CSMD1: variants seen among roughly 807,000 people sequenced by gnomAD.
CSMD1 encodes CUB and Sushi multiple domains 1.
In CSMD1, 213 loss-of-function variants were observed where a neutral mutation model predicts 417.5. That is an observed-to-expected ratio of 0.51 (90% confidence interval 0.46 to 0.57). The LOEUF (loss-of-function observed/expected upper bound fraction) is 0.57. Among genes scored for constraint, CSMD1 ranks in the 20% least tolerant of loss-of-function variants. The pLI is 0.00. For missense variants in CSMD1, 6,923 were observed against 4,529.7 expected (o/e 1.53, Z -15.17); for synonymous variants, 2,862 against 1,736.8 (o/e 1.65, Z -16.11).
At chr8:4,157,882 C>A (rs1358579890) in intron 3 of CSMD1, among the ~76,000 whole-genome samples, 1 of 152,256 alleles carries the variant, frequency 6.6e-6, no homozygotes, top group Non-Finnish European at 1.5e-5. Flanking sequence ...CTATCCTCCC[C>A]ACAGGACAAC....
chr8:4,399,016 C>G (rs958096333), intron 3 of CSMD1, among the ~76,000 whole-genome samples: 2 of 152,152 alleles, frequency 1.3e-5, no homozygotes, highest in East Asian at 1.9e-4. Flanking sequence ...ATGTACACAG[C>G]TTTGTAAATA....
At chr8:3,845,410 A>C (rs1445913213) in intron 5 of CSMD1, among the ~76,000 whole-genome samples, 1 of 152,196 alleles carries the variant, frequency 6.6e-6, no homozygotes, top group Non-Finnish European at 1.5e-5. Context: ...ATGGTTACAC[A>C]GTGATAGATA....
chr8:3,999,526 G>C (rs544232410), intron 4 of CSMD1, among the ~76,000 whole-genome samples: 63 of 152,246 alleles, frequency 4.1e-4, no homozygotes, highest in Non-Finnish European at 6.9e-4. Context: ...ACAGTAAGAG[G>C]GTGATATAGG....
chr8:4,109,781 T>A (rs1324758014), intron 3 of CSMD1, among the ~76,000 whole-genome samples: 1 of 152,166 alleles, frequency 6.6e-6, no homozygotes, highest in Non-Finnish European at 1.5e-5. Context: ...ATTTCTGTGG[T>A]CATTGACTGA....
intron 5 of CSMD1, among the ~76,000 whole-genome samples, chr8:3,903,557 C>T (rs954944386): frequency 1.3e-5 from 2 of 152,156 alleles, no homozygotes; most frequent in African/African-American, 4.8e-5. Flanking sequence ...TTCTGAATTT[C>T]AATGTGTAGA....
intron 1 of CSMD1, among the ~76,000 whole-genome samples, chr8:4,877,564 A>G (rs1803128808): frequency 6.6e-6 from 1 of 152,046 alleles, no homozygotes; most frequent in Non-Finnish European, 1.5e-5. Context: ...AAGTTCAGCC[A>G]GTTACCCATG....
intron 44 of CSMD1, among the ~76,000 whole-genome samples, 181 bp from the exon 45 acceptor site, chr8:3,107,979 GT>G (rs1376422761): frequency 2.6e-5 from 4 of 152,026 alleles, no homozygotes; most frequent in African/African-American, 9.7e-5. Context: ...TTATTATTTA[GT>G]GCCAAAAAAC....
chr8:4,480,228 G>A (rs1801023125), intron 2 of CSMD1, among the ~76,000 whole-genome samples: 1 of 150,682 alleles, frequency 6.6e-6, no homozygotes, highest in Admixed American at 6.6e-5. Flanking sequence ...GGAAATTACT[G>A]CTGTAAGGAA....
At chr8:4,491,205 T>C (rs555254076) in intron 2 of CSMD1, among the ~76,000 whole-genome samples, 1 of 151,542 alleles carries the variant, frequency 6.6e-6, no homozygotes, top group Non-Finnish European at 1.5e-5. Flanking sequence ...AAAATACAAG[T>C]TAAAATAAAT....
intron 10 of CSMD1, among the ~76,000 whole-genome samples, chr8:3,505,367 A>T (rs10092822): frequency 0.73 from 111,575 of 151,876 alleles, 41,491 homozygotes; most frequent in East Asian, 0.91. Context: ...ATTATAGATC[A>T]CTACATGAAA....
intron 7 of CSMD1, among the ~76,000 whole-genome samples, chr8:3,678,603 A>G (rs925251405): frequency 2.0e-5 from 3 of 152,198 alleles, no homozygotes; most frequent in Non-Finnish European, 4.4e-5. Flanking sequence ...AACAAGTTGG[A>G]AAACACTCTG....
intron 10 of CSMD1, among the ~76,000 whole-genome samples, chr8:3,532,074 T>A (rs62475771): frequency 6.6e-6 from 1 of 152,204 alleles, no homozygotes; most frequent in Non-Finnish European, 1.5e-5. Context: ...GATTAGCTCG[T>A]CTATGAAAGC....
intron 62 of CSMD1, among the ~76,000 whole-genome samples, 153 bp downstream of exon 62, chr8:2,960,988 A>C (rs1803426150): frequency 6.8e-6 from 1 of 147,376 alleles, no homozygotes; most frequent in Admixed American, 6.9e-5. Flanking sequence ...TTTGACAGTT[A>C]AAAACACATG....
At chr8:4,761,890 C>CCTAT (rs1167184252) in intron 1 of CSMD1, among the ~76,000 whole-genome samples, 8,282 of 91,628 alleles carry the variant, frequency 0.09, 521 homozygotes, top group African/African-American at 0.12. Context: ...TATCTATCTA[C>CCTAT]CTACCTATCT....
chr8:4,122,019 A>T (rs1324725306), intron 3 of CSMD1, among the ~76,000 whole-genome samples: 1 of 152,056 alleles, frequency 6.6e-6, no homozygotes, highest in South Asian at 2.1e-4. Context: ...AATAATTTTA[A>T]ATCTATAAAC....
chr8:4,276,897 A>C (rs563510082), intron 3 of CSMD1, among the ~76,000 whole-genome samples: 1 of 152,300 alleles, frequency 6.6e-6, no homozygotes, highest in South Asian at 2.1e-4. Flanking sequence ...CATAGTTAAA[A>C]TATGTAATAG....
intron 3 of CSMD1, among the ~76,000 whole-genome samples, chr8:4,186,648 C>T (rs968321640): frequency 2.0e-5 from 3 of 151,994 alleles, no homozygotes; most frequent in Admixed American, 2.0e-4. Context: ...TTTTTAGATG[C>T]CTCTATTTCC....
At chr8:4,111,615 T>C (rs6558849) in intron 3 of CSMD1, among the ~76,000 whole-genome samples, 100,195 of 152,050 alleles carry the variant, frequency 0.66, 33,268 homozygotes, top group Middle Eastern at 0.73. Flanking sequence ...TTATGTCCTT[T>C]GTAGGGACGT....
chr8:4,093,549 T>C (rs1563114603), intron 3 of CSMD1, among the ~76,000 whole-genome samples: 1 of 152,206 alleles, frequency 6.6e-6, no homozygotes, highest in Non-Finnish European at 1.5e-5. Flanking sequence ...GAGTTTTCTC[T>C]TTTATATAGA....
Sources: allele counts gnomAD v4.1 joint callset (sites outside exome capture counted in the v4.1 genomes callset), GRCh38; gene constraint gnomAD v4.1.1; transcripts MANE v1.5; gene names NCBI Gene and HGNC (gene_info 2026-07-23, HGNC 2026-07-21).